SLC2A9: variants seen among roughly 807,000 people sequenced by gnomAD.
SLC2A9 encodes the protein solute carrier family 2 member 9.
SLC2A9 carries 39 observed loss-of-function variants against 50.6 expected under a neutral mutation model. That is an observed-to-expected ratio of 0.77 (90% CI 0.60 to 1.01). The LOEUF is 1.01. SLC2A9 is among the 50% of genes least tolerant of loss of function. The pLI is 0.00. For missense variants in SLC2A9, 686 were observed against 677.6 expected (o/e 1.01, Z -0.14); for synonymous variants, 324 against 276.9 (o/e 1.17, Z -1.69).
At chr4:9,871,924 T>C (rs1477570415) in intron 10 of SLC2A9, among the ~76,000 whole-genome samples, 1 of 152,222 alleles carries the variant, frequency 6.6e-6, no homozygotes, top group Non-Finnish European at 1.5e-5. Context: ...TTGGTAGATC[T>C]GGCCACCAAT....
chr4:9,910,012 G>T (rs1009950198), intron 7 of SLC2A9, among the ~76,000 whole-genome samples: 7 of 152,154 alleles, frequency 4.6e-5, no homozygotes, highest in African/African-American at 1.7e-4. Context: ...ATGCATTGGG[G>T]GGAAGATATA....
At chr4:9,867,731 C>T (rs1732719351) in intron 10 of SLC2A9, among the ~76,000 whole-genome samples, 1 of 152,208 alleles carries the variant, frequency 6.6e-6, no homozygotes, top group African/African-American at 2.4e-5. Context: ...GGAGGTCTGA[C>T]TGCCTGACTG....
At chr4:9,894,551 C>T (rs924082564) in intron 8 of SLC2A9, among the ~76,000 whole-genome samples, 16 of 152,218 alleles carry the variant, frequency 1.1e-4, no homozygotes, top group Non-Finnish European at 2.2e-4. Flanking sequence ...ATGCAAATCT[C>T]TGTCCCCTGT....
intron 2 of SLC2A9, among the ~76,000 whole-genome samples, chr4:10,003,179 C>A (rs908159045): frequency 1.3e-5 from 2 of 152,206 alleles, no homozygotes; most frequent in Non-Finnish European, 2.9e-5. Context: ...GTCACTCTTG[C>A]ACGTGAACTT....
chr4:9,938,495 T>A (rs989845004), intron 6 of SLC2A9, among the ~76,000 whole-genome samples: 34 of 152,104 alleles, frequency 2.2e-4, no homozygotes, highest in Admixed American at 1.6e-3. Flanking sequence ...ATGGTCTCGA[T>A]CTCCTGACCT....
At chr4:9,827,122 A>G (rs1184091404) in intron 11 of SLC2A9, among the ~76,000 whole-genome samples, 3 of 152,212 alleles carry the variant, frequency 2.0e-5, no homozygotes, top group Non-Finnish European at 4.4e-5. Context: ...AATAAGAGAG[A>G]TCAGAAAAAA....
chr4:9,931,940 CTCTCTCTCTCTCTCTCTCTCTCTATATA>C (rs1746065261), intron 6 of SLC2A9, among the ~76,000 whole-genome samples: 1 of 58,208 alleles, frequency 1.7e-5, no homozygotes, highest in Admixed American at 2.1e-4. Flanking sequence ...CTCTCTCTCT[CTCTCTCTCTCTCTCTCTCTCTCTATATA>C]TATATATATA....
chr4:9,947,313 T>A (rs1403931766), intron 5 of SLC2A9, among the ~76,000 whole-genome samples: 1 of 152,112 alleles, frequency 6.6e-6, no homozygotes, highest in African/African-American at 2.4e-5. Flanking sequence ...AAGGTGTACA[T>A]CTCTTTCTGT....
intron 5 of SLC2A9, among the ~76,000 whole-genome samples, chr4:9,958,275 G>T (rs13114090): frequency 0.056 from 8,576 of 152,222 alleles, 554 homozygotes; most frequent in East Asian, 0.38. Flanking sequence ...AGAAAGTACT[G>T]CAGGAAATGA....
intron 5 of SLC2A9, among the ~76,000 whole-genome samples, chr4:9,961,040 A>ATT (rs1752185396): frequency 6.6e-6 from 1 of 152,182 alleles, no homozygotes; most frequent in Admixed American, 6.5e-5. Context: ...TATTAATATT[A>ATT]TTGTCCTCAT....
chr4:9,779,031 G>T (rs1187873325), downstream of SLC2A9, among the ~76,000 whole-genome samples: 1 of 152,112 alleles, frequency 6.6e-6, no homozygotes, highest in South Asian at 2.1e-4. Context: ...CTCCCACAGT[G>T]CTGGGATTAC....
chr4:9,845,427 C>CTTTTTTTTTTTTTTTTTTTTTTTTTTTT (rs1175166447), intron 10 of SLC2A9, among the ~76,000 whole-genome samples: 1 of 108,692 alleles, frequency 9.2e-6, no homozygotes, highest in African/African-American at 4.1e-5. Context: ...TCATCAATTT[C>CTTTTTTTTTTTTTTTTTTTTTTTTTTTT]TTTTTTTTTT....
At chr4:9,819,496 C>T (rs1254432367) in intron 3 of SLC2A9, among the ~76,000 whole-genome samples, 1 of 152,098 alleles carries the variant, frequency 6.6e-6, no homozygotes, top group Non-Finnish European at 1.5e-5. Flanking sequence ...TAGCTTTTGC[C>T]CAGCTTTTGA....
chr4:9,968,515 T>C (rs1250555177), intron 5 of SLC2A9, among the ~76,000 whole-genome samples: 2 of 152,202 alleles, frequency 1.3e-5, no homozygotes, highest in Non-Finnish European at 2.9e-5. Flanking sequence ...TTTTTTCCAG[T>C]ATAACTTGAT....
chr4:9,933,518 C>T (rs1192116319), intron 6 of SLC2A9, among the ~76,000 whole-genome samples: 1 of 152,204 alleles, frequency 6.6e-6, no homozygotes, highest in Non-Finnish European at 1.5e-5. Context: ...GGAACATTGA[C>T]CAATGCACTA....
intron 1 of SLC2A9, among the ~76,000 whole-genome samples, chr4:10,028,645 C>G (rs1192025280): frequency 1.3e-5 from 2 of 152,190 alleles, no homozygotes; most frequent in Admixed American, 1.3e-4. Flanking sequence ...ATGGTGCCTT[C>G]TAGGAAGGGG....
intron 2 of SLC2A9, among the ~76,000 whole-genome samples, chr4:10,007,586 T>C (rs537655728): frequency 6.6e-6 from 1 of 152,278 alleles, no homozygotes; most frequent in South Asian, 2.1e-4. Flanking sequence ...AGCAGAGAAG[T>C]GAATGCACTC....
chr4:9,928,712 T>G (rs550231493), intron 6 of SLC2A9, among the ~76,000 whole-genome samples: 1 of 152,220 alleles, frequency 6.6e-6, no homozygotes, highest in South Asian at 2.1e-4. Context: ...CCCGCCTGGG[T>G]GACAGAGCAA....
chr4:9,834,154 C>T (rs2109139360), intron 11 of SLC2A9, among the ~76,000 whole-genome samples: 1 of 152,334 alleles, frequency 6.6e-6, no homozygotes, highest in South Asian at 2.1e-4. Context: ...TCTGCTCCCT[C>T]ACTTCACTCA....
Sources: gnomAD v4.1 joint callset for allele counts (sites outside exome capture counted in the v4.1 genomes callset) on GRCh38, gnomAD v4.1.1 for gene constraint, MANE v1.5 for transcripts, NCBI Gene and HGNC (gene_info 2026-07-23, HGNC 2026-07-21) for gene names.